Variants in ADGRA3 observed in about 807,000 individuals in gnomAD.
The protein encoded by ADGRA3 is G-protein coupled receptor 125.
A neutral mutation model predicts 119.8 loss-of-function variants in ADGRA3; 56 were observed. That is an observed-to-expected ratio of 0.47 (90% CI 0.38 to 0.58). ADGRA3 has a LOEUF of 0.58. Among genes scored for constraint, ADGRA3 ranks in the 20% least tolerant of loss-of-function variants. ADGRA3 has a pLI of 0.00. For missense variants in ADGRA3, 1,516 were observed against 1,649.0 expected (o/e 0.92, Z 1.40); for synonymous variants, 607 against 623.8 (o/e 0.97, Z 0.40).
chr4:22,475,494 G>A (rs1043799877), intron 1 of ADGRA3, among the ~76,000 whole-genome samples: 2 of 152,152 alleles, frequency 1.3e-5, no homozygotes, highest in African/African-American at 2.4e-5. Flanking sequence ...TTGGGAGGCC[G>A]AGGCGGGTGG....
chr4:22,414,362 G>GAA, intron 12 of ADGRA3: 15 of 361,926 alleles, frequency 4.1e-5, no homozygotes, highest in East Asian at 8.8e-5. Context: ...AACACATTTA[G>GAA]AAAAAAAAAA....
Position 22,435,401 on chromosome 4 carries a change from T to C in ADGRA3, c.1353A>G (p.Ala451=), listed in dbSNP as rs1347306275. 1 of 1,613,784 alleles carries C rather than the reference T, an allele frequency of 6.2e-7. No homozygotes were observed. Among genetic ancestry groups the C allele is most frequent in the Non-Finnish European group, 8.5e-7 (1 of 1,179,732 alleles). Residue 451 remains alanine (A), a synonymous_variant, in exon 10 of 19, where the codon GCA becomes GCG. Coordinates refer to ENST00000334304, the MANE Select transcript of ADGRA3 (RefSeq NM_145290.4). ...CATCCATTTTGTCAGAAAAGTTGGCTGCTTCCACAGTGTAAGCCAGTAACT... is the reference window on the plus strand; with the variant it reads ...CATCCATTTTGTCAGAAAAGTTGGCCGCTTCCACAGTGTAAGCCAGTAACT... ...ARQLLAYTVE[A]ANFSDKMDVI...
chr4:22,461,957 G>A (rs1717478014), intron 2 of ADGRA3, 149 bp from the exon 3 acceptor site: 2 of 458,212 alleles, frequency 4.4e-6, no homozygotes, highest in South Asian at 5.3e-5. Context: ...GATCAACCCA[G>A]TAGTAAAAGG....
At chr4:22,400,894 TC>T (rs1714606876) in intron 16 of ADGRA3, among the ~76,000 whole-genome samples, 1 of 152,172 alleles carries the variant, frequency 6.6e-6, no homozygotes, top group Non-Finnish European at 1.5e-5. Flanking sequence ...TATTTTCTAT[TC>T]ATAGATTGAA....
At chr4:22,430,171 C>T (rs1486035836) in intron 10 of ADGRA3, among the ~76,000 whole-genome samples, 2 of 152,146 alleles carry the variant, frequency 1.3e-5, no homozygotes, top group African/African-American at 4.8e-5. Flanking sequence ...ACTTTTTCTT[C>T]CCAGTCTCAG....
chr4:22,392,600 C>T lies in ADGRA3; in HGVS notation c.2572G>A (p.Ala858Thr). ...RNIYKQVTKK[A>T]KRCQDPDEPP... is the part of the protein sequence containing the mutation. ...TCATCAGGATCCTGGCATCTTTTAG[C>T]TTTTTTAGTGACTTGTTTGTAGATA... The change falls in exon 17 of 19, where the codon GCT (alanine) becomes ACT (threonine). Residue 858 changes from alanine (A) to threonine (T), a missense_variant. By Grantham distance (58) the Ala-to-Thr change is moderately conservative. Coordinates refer to ENST00000334304, the MANE Select transcript of ADGRA3 (RefSeq NM_145290.4). The T allele has an allele frequency of 6.2e-7, 1 of 1,613,910 alleles. No homozygotes were observed. Among genetic ancestry groups the T allele is most frequent in the Non-Finnish European group, 8.5e-7 (1 of 1,179,886 alleles).
intron 17 of ADGRA3, among the ~76,000 whole-genome samples, chr4:22,389,680 A>T (rs1466841902): frequency 6.6e-6 from 1 of 152,106 alleles, no homozygotes; most frequent in African/African-American, 2.4e-5. Flanking sequence ...ACTGAGATTA[A>T]GGTAAGGAAG....
intron 2 of ADGRA3, among the ~76,000 whole-genome samples, chr4:22,468,830 C>T (rs928071842): frequency 6.6e-6 from 1 of 150,758 alleles, no homozygotes; most frequent in Non-Finnish European, 1.5e-5. Context: ...CTAGTGAACA[C>T]ATGGATGATG....
intron 1 of ADGRA3, among the ~76,000 whole-genome samples, chr4:22,489,532 T>A (rs890482049): frequency 2.0e-5 from 3 of 151,806 alleles, no homozygotes; most frequent in Non-Finnish European, 4.4e-5. Flanking sequence ...GCAAAAAAAA[T>A]AACGAAAAGG....
intron 10 of ADGRA3, among the ~76,000 whole-genome samples, chr4:22,433,931 C>T (rs776848414): frequency 2.0e-5 from 3 of 152,108 alleles, no homozygotes; most frequent in Non-Finnish European, 4.4e-5. Flanking sequence ...AATCATGGCC[C>T]CTGAAGTTCA....
intron 1 of ADGRA3, among the ~76,000 whole-genome samples, chr4:22,478,868 G>A (rs1718146136): frequency 6.6e-6 from 1 of 152,098 alleles, no homozygotes; most frequent in Non-Finnish European, 1.5e-5. Context: ...CAGAACTAAG[G>A]AAAAGAGCAA....
intron 1 of ADGRA3, among the ~76,000 whole-genome samples, chr4:22,482,216 T>A (rs1306974988): frequency 6.6e-6 from 1 of 152,208 alleles, no homozygotes; most frequent in Non-Finnish European, 1.5e-5. Flanking sequence ...GTATCTACCA[T>A]TTCTCTCACA....
At chr4:22,514,436 G>A (rs959475692) in intron 1 of ADGRA3, 2 of 152,186 alleles carry the variant, frequency 1.3e-5, no homozygotes, top group African/African-American at 4.8e-5. Context: ...AAACAAAAGT[G>A]TTAGTAATGA....
At chr4:22,420,540 G>A (rs573897256) in intron 12 of ADGRA3, 1 of 342,662 alleles carries the variant, frequency 2.9e-6, no homozygotes, top group Admixed American at 4.6e-5. Context: ...ACATCTTATT[G>A]TCTTAAAATC....
chr4:22,426,212 C>T (rs1715926389), intron 10 of ADGRA3, among the ~76,000 whole-genome samples: 1 of 152,124 alleles, frequency 6.6e-6, no homozygotes, highest in Admixed American at 6.5e-5. Context: ...ATGCATCCAA[C>T]TAAACTGCCA....
intron 5 of ADGRA3, among the ~76,000 whole-genome samples, chr4:22,445,490 G>A (rs1328054896): frequency 1.3e-5 from 2 of 152,136 alleles, no homozygotes; most frequent in African/African-American, 2.4e-5. Context: ...ATCATGCAGT[G>A]TGTGGCATTA....
chr4:22,457,319 T>C (rs1435960583), intron 3 of ADGRA3, among the ~76,000 whole-genome samples: 1 of 152,218 alleles, frequency 6.6e-6, no homozygotes, highest in African/African-American at 2.4e-5. Flanking sequence ...AAAAATACTT[T>C]ATGTGTTCTT....
At chr4:22,468,199 C>A (rs530212720) in intron 2 of ADGRA3, among the ~76,000 whole-genome samples, 1 of 152,292 alleles carries the variant, frequency 6.6e-6, no homozygotes, top group South Asian at 2.1e-4. Flanking sequence ...TCTTCTCGTA[C>A]CTCTCCTTAA....
intron 16 of ADGRA3, among the ~76,000 whole-genome samples, chr4:22,400,849 A>C (rs1714604839): frequency 6.6e-6 from 1 of 152,190 alleles, no homozygotes; most frequent in South Asian, 2.1e-4. Context: ...CATGCATGTG[A>C]AAAAAATATA....
Sources: gnomAD v4.1 joint callset for allele counts (sites outside exome capture counted in the v4.1 genomes callset) on GRCh38, gnomAD v4.1.1 for gene constraint, MANE v1.5 for transcripts, NCBI Gene and HGNC (gene_info 2026-07-23, HGNC 2026-07-21) for gene names.